Variants in NLGN1 observed in about 807,000 individuals in gnomAD.
NLGN1 encodes the protein neuroligin-1.
NLGN1 carries 12 observed loss-of-function variants against 65.5 expected under a neutral mutation model. The observed-to-expected ratio is 0.18, with a 90% CI of 0.12 to 0.30. NLGN1 has a LOEUF of 0.30. Among genes scored for constraint, NLGN1 ranks in the 10% least tolerant of loss-of-function variants. The pLI, the probability that NLGN1 is intolerant of heterozygous loss-of-function variation, is 1.00. For synonymous variants in NLGN1, 350 were observed against 359.5 expected (o/e 0.97, Z 0.30); for missense variants, 750 against 1,007.1 (o/e 0.74, Z 3.46).
intron 1 of NLGN1, among the ~76,000 whole-genome samples, chr3:173,433,300 TTGCCTCTCTTTGGA>T (rs1717531924): frequency 6.6e-6 from 1 of 152,150 alleles, no homozygotes. Flanking sequence ...ATGTCTGAAC[TTGCCTCTCTTTGGA>T]TGCCTCCTCA....
At chr3:173,521,574 C>T (rs947289249) in intron 2 of NLGN1, among the ~76,000 whole-genome samples, 1 of 152,164 alleles carries the variant, frequency 6.6e-6, no homozygotes, top group Non-Finnish European at 1.5e-5. Context: ...AAATTCTGAG[C>T]CTTTTTTCTG....
chr3:173,447,205 A>G (rs1236635371), intron 2 of NLGN1, among the ~76,000 whole-genome samples: 5 of 152,212 alleles, frequency 3.3e-5, no homozygotes, highest in African/African-American at 1.2e-4. Flanking sequence ...TAGGTCTAAC[A>G]TTTAAGTCTT....
At chr3:173,554,897 C>T (rs561654922) in intron 2 of NLGN1, among the ~76,000 whole-genome samples, 2 of 152,196 alleles carry the variant, frequency 1.3e-5, no homozygotes, top group African/African-American at 4.8e-5. Context: ...TCAAATTGCT[C>T]CATTATCTTG....
intron 2 of NLGN1, among the ~76,000 whole-genome samples, chr3:173,603,700 T>C (rs1577485954): frequency 6.6e-6 from 1 of 152,230 alleles, no homozygotes; most frequent in South Asian, 2.1e-4. Context: ...ACATTTGAGA[T>C]ACAGCAAGGA....
intron 4 of NLGN1, among the ~76,000 whole-genome samples, chr3:174,212,070 G>A (rs1271501115): frequency 1.3e-5 from 2 of 152,184 alleles, no homozygotes; most frequent in African/African-American, 2.4e-5. Flanking sequence ...CCACGGAGGC[G>A]GGGGAAGGCT....
chr3:173,460,449 G>A (rs1383528775), intron 2 of NLGN1, among the ~76,000 whole-genome samples: 1 of 152,048 alleles, frequency 6.6e-6, no homozygotes, highest in Non-Finnish European at 1.5e-5. Context: ...ACTTGGCATC[G>A]CTTCTTCCCA....
chr3:174,000,801 G>C (rs1350450865), intron 4 of NLGN1, among the ~76,000 whole-genome samples: 3 of 152,194 alleles, frequency 2.0e-5, no homozygotes, highest in Non-Finnish European at 4.4e-5. Flanking sequence ...GAAAAGGTAA[G>C]ACTTGACTTC....
Position 173,691,500 on chromosome 3 carries a change from T to A in NLGN1, c.493+86409T>A, listed in dbSNP as rs373653524. 2.6e-5 allele frequency among the ~76,000 whole-genome samples: 4 copies of A among 152,260 alleles called. No individual in the cohort carries two copies. In the East Asian group the frequency reaches 5.8e-4, roughly 22 times the overall value. On this transcript the variant is annotated intron_variant, in intron 3 of 6. Transcript: ENST00000457714. ...AATAAAATCTTTGAAGCCAGCGACT[T>A]TATATTATGTTTTTGTGTACTCCAT... is the stretch of plus-strand genomic sequence containing the variant.
At chr3:173,563,561 T>C (rs923826155) in intron 2 of NLGN1, among the ~76,000 whole-genome samples, 1 of 152,208 alleles carries the variant, frequency 6.6e-6, no homozygotes, top group African/African-American at 2.4e-5. Context: ...GGACTCCTGA[T>C]TCTCTTTGAT....
chr3:173,734,856 C>G (rs957068671), intron 3 of NLGN1, among the ~76,000 whole-genome samples: 13 of 152,054 alleles, frequency 8.5e-5, no homozygotes, highest in African/African-American at 3.1e-4. Flanking sequence ...AACTCTGACT[C>G]AAAGTGATCA....
chr3:173,405,438 A>G (rs1718452705), intron 1 of NLGN1, among the ~76,000 whole-genome samples: 1 of 152,024 alleles, frequency 6.6e-6, no homozygotes, highest in South Asian at 2.1e-4. Flanking sequence ...GCCATAAGAA[A>G]TTATAAAATG....
At chr3:173,707,257 G>A (rs1768184451) in intron 3 of NLGN1, among the ~76,000 whole-genome samples, 1 of 152,160 alleles carries the variant, frequency 6.6e-6, no homozygotes, top group Non-Finnish European at 1.5e-5. Context: ...CACAAAAGGA[G>A]TAATTTTGAG....
At chr3:173,582,682 T>G (rs961550019) in intron 2 of NLGN1, among the ~76,000 whole-genome samples, 4 of 152,138 alleles carry the variant, frequency 2.6e-5, no homozygotes, top group Admixed American at 2.0e-4. Flanking sequence ...GTACTTTGGA[T>G]AGTAATCCTT....
At chr3:173,975,937 G>C (rs1481412630) in intron 4 of NLGN1, among the ~76,000 whole-genome samples, 1 of 151,992 alleles carries the variant, frequency 6.6e-6, no homozygotes, top group Non-Finnish European at 1.5e-5. Flanking sequence ...TACCACTGCT[G>C]TACCTTCAGC....
chr3:173,935,326 C>T (rs1459026197), intron 4 of NLGN1, among the ~76,000 whole-genome samples: 1 of 151,878 alleles, frequency 6.6e-6, no homozygotes, highest in East Asian at 1.9e-4. Flanking sequence ...TGAAGTTTAG[C>T]GGCAGCTTAG....
intron 4 of NLGN1, among the ~76,000 whole-genome samples, chr3:173,874,026 A>G (rs779558278): frequency 1.3e-5 from 2 of 152,198 alleles, no homozygotes; most frequent in Non-Finnish European, 2.9e-5. Flanking sequence ...GACGATGGCC[A>G]TCTGTAAGCC....
At chr3:173,501,546 C>T (rs1731119947) in intron 2 of NLGN1, among the ~76,000 whole-genome samples, 1 of 151,934 alleles carries the variant, frequency 6.6e-6, no homozygotes, top group Admixed American at 6.6e-5. Context: ...GTTCTGTTTA[C>T]TACATACCAT....
chr3:173,755,880 CTT>C (rs1777035745), intron 3 of NLGN1, among the ~76,000 whole-genome samples: 1 of 152,014 alleles, frequency 6.6e-6, no homozygotes, highest in South Asian at 2.1e-4. Context: ...TTTCTACTGA[CTT>C]ATACTTTAAT....
At chr3:174,211,328 G>C (rs1284640628) in intron 4 of NLGN1, among the ~76,000 whole-genome samples, 1 of 152,146 alleles carries the variant, frequency 6.6e-6, no homozygotes, top group Admixed American at 6.5e-5. Flanking sequence ...TTGTCAGGGT[G>C]CTGATTGGTG....
Sources: allele counts gnomAD v4.1 joint callset (sites outside exome capture counted in the v4.1 genomes callset), GRCh38; gene constraint gnomAD v4.1.1; transcripts MANE v1.5; gene names NCBI Gene and HGNC (gene_info 2026-07-23, HGNC 2026-07-21).